Variants in MYO3B observed in about 807,000 individuals in gnomAD.
MYO3B encodes the protein myosin-IIIb.
In MYO3B, 156 loss-of-function variants were observed where a neutral mutation model predicts 174.6. That is an observed-to-expected ratio of 0.89 (90% CI 0.78 to 1.02). MYO3B has a LOEUF of 1.02. MYO3B is among the 50% of genes least tolerant of loss of function. MYO3B has a pLI of 0.00. For synonymous variants in MYO3B, 563 were observed against 569.1 expected, an observed-to-expected ratio of 0.99 and a Z score of 0.15; for missense variants, 1,632 against 1,639.4, an observed-to-expected ratio of 1.00 and a Z score of 0.08.
At chr2:170,495,696 C>T (rs1230358390) in intron 25 of MYO3B, among the ~76,000 whole-genome samples, 1 of 152,180 alleles carries the variant, frequency 6.6e-6, no homozygotes, top group Non-Finnish European at 1.5e-5. Flanking sequence ...TCATCAGATT[C>T]TTTAAATACT....
intron 7 of MYO3B, among the ~76,000 whole-genome samples, chr2:170,317,112 G>A (rs537804494): frequency 1.3e-5 from 2 of 152,286 alleles, no homozygotes; most frequent in South Asian, 2.1e-4. Flanking sequence ...GAATAGCAGG[G>A]AAGTTTCCCT....
intron 24 of MYO3B, 145 bp downstream of exon 24, chr2:170,463,590 G>A (rs1200403462): frequency 2.9e-6 from 2 of 692,654 alleles, no homozygotes; most frequent in Non-Finnish European, 4.9e-6. Flanking sequence ...TGGAAGCAAG[G>A]AAGGAAGAGA....
Position 170,383,053 on chromosome 2 carries a change from A to C in MYO3B, c.1069-20A>C. On this transcript the variant is annotated intron_variant, in intron 10 of 34. Transcript: ENST00000408978. ...GACTGGGAATAATATTTACCTCAAT[A>C]CCATTTATCCTCTTCTTAGGATACA... 6.9e-7 allele frequency: 1 copy of C among 1,454,026 alleles called. No homozygotes were observed. Among genetic ancestry groups the C allele is most frequent in the Non-Finnish European group, 9.7e-7 (1 of 1,035,762 alleles). 90.1% of individuals were successfully genotyped at this position (1,454,026 alleles called of 1,614,324 possible).
intron 3 of MYO3B, among the ~76,000 whole-genome samples, chr2:170,203,764 G>C (rs1192529530): frequency 1.3e-5 from 2 of 152,154 alleles, no homozygotes; most frequent in African/African-American, 2.4e-5. Flanking sequence ...GAAGTGGTTA[G>C]AAAGTACTGC....
intron 30 of MYO3B, among the ~76,000 whole-genome samples, chr2:170,538,623 A>G (rs1689878599): frequency 6.6e-6 from 1 of 152,106 alleles, no homozygotes; most frequent in African/African-American, 2.4e-5. Flanking sequence ...AAGAAGAAGG[A>G]ATTAGATGTG....
At chr2:170,191,338 G>A (rs1406466880) in intron 1 of MYO3B, among the ~76,000 whole-genome samples, 4 of 152,102 alleles carry the variant, frequency 2.6e-5, no homozygotes, top group Non-Finnish European at 4.4e-5. Flanking sequence ...TCTGGCTGAT[G>A]TGTTACTAGG....
At chr2:170,476,977 C>A (rs973179411) in intron 25 of MYO3B, among the ~76,000 whole-genome samples, 1 of 152,128 alleles carries the variant, frequency 6.6e-6, no homozygotes, top group Non-Finnish European at 1.5e-5. Context: ...TTAAATGTTT[C>A]TTTCTTTCTA....
At chr2:170,373,773 A>G (rs1238823109) in intron 9 of MYO3B, among the ~76,000 whole-genome samples, 3 of 151,746 alleles carry the variant, frequency 2.0e-5, no homozygotes, top group Non-Finnish European at 4.4e-5. Context: ...AGATAAAAGT[A>G]CTCAGAAAAC....
chr2:170,507,209 G>A (rs1290668226), intron 28 of MYO3B, among the ~76,000 whole-genome samples: 3 of 152,078 alleles, frequency 2.0e-5, no homozygotes, highest in Non-Finnish European at 4.4e-5. Context: ...GTGCACCTGA[G>A]CTTGAGATGC....
chr2:170,637,313 A>G (rs1001845275), intron 32 of MYO3B, among the ~76,000 whole-genome samples: 1 of 151,738 alleles, frequency 6.6e-6, no homozygotes, highest in Non-Finnish European at 1.5e-5. Flanking sequence ...CTGGGATTAC[A>G]GGCATACGCC....
chr2:170,246,529 G>GACACACAC lies in MYO3B; in HGVS notation c.749+10424_749+10431dup, dbSNP rs58936698. On this transcript the variant is annotated intron_variant, in intron 7 of 34. Transcript: ENST00000408978. Reference sequence around the variant, plus strand: ...ATAAGAAGAGGAAAATTTGGACATGGACACACACACACACACACACACACA... The same window carrying GACACACAC: ...ATAAGAAGAGGAAAATTTGGACATGGACACACACACACACACACACACACACACACACA... Among the ~76,000 whole-genome samples the GACACACAC allele has an allele frequency of 4.8e-3, 673 of 140,260 alleles. 6 individuals are homozygous for GACACACAC. Among genetic ancestry groups the GACACACAC allele is most frequent in the African/African-American group, 5.9e-3 (225 of 37,990 alleles). The allele number at this position is 140,260 out of a possible 152,430, so 92.0% of individuals were successfully genotyped here. A position where few individuals can be genotyped will look rare whatever the true frequency, so the allele number is the denominator to read the frequency against.
chr2:170,449,468 C>T (rs1239333942), intron 23 of MYO3B, among the ~76,000 whole-genome samples: 1 of 152,078 alleles, frequency 6.6e-6, no homozygotes, highest in Non-Finnish European at 1.5e-5. Context: ...GCTAAATGTT[C>T]TAAATAACTC....
chr2:170,178,449 C>A (rs2092358911), intron 1 of MYO3B, among the ~76,000 whole-genome samples, 160 bp downstream of exon 1: 1 of 152,094 alleles, frequency 6.6e-6, no homozygotes, highest in African/African-American at 2.4e-5. Flanking sequence ...ATTCCTGGGT[C>A]CTCTCAGTTA....
At chr2:170,505,059 T>TGAA (rs1687536679) in intron 28 of MYO3B, among the ~76,000 whole-genome samples, 1 of 151,940 alleles carries the variant, frequency 6.6e-6, no homozygotes, top group East Asian at 1.9e-4. Context: ...CCCAAACAGT[T>TGAA]CACCAGCCAG....
intron 30 of MYO3B, among the ~76,000 whole-genome samples, chr2:170,529,575 C>T (rs1202629413): frequency 6.6e-6 from 1 of 152,092 alleles, no homozygotes; most frequent in Non-Finnish European, 1.5e-5. Flanking sequence ...ACCATTTCTC[C>T]ATCCCTCATC....
At chr2:170,612,536 T>G (rs912088967) in intron 32 of MYO3B, among the ~76,000 whole-genome samples, 10 of 152,208 alleles carry the variant, frequency 6.6e-5, no homozygotes, top group Non-Finnish European at 1.5e-4. Context: ...ACATCCCCAG[T>G]GTGTAGAACA....
At chr2:170,414,845 G>A (rs1244420788) in intron 22 of MYO3B, among the ~76,000 whole-genome samples, 1 of 152,132 alleles carries the variant, frequency 6.6e-6, no homozygotes, top group Non-Finnish European at 1.5e-5. Context: ...TAGTATAAAT[G>A]GGTTTTTTAT....
In MYO3B at chr2:170,479,644, TA is replaced by T. The variant is rs376941430; in HGVS notation, c.3014+12934del. The stretch of plus-strand genomic sequence containing the variant: ...TAAATATATAGGTTTTATATATACA[TA>T]TATATAACAGATGTTACATATACAC... On this transcript the variant is annotated intron_variant, in intron 25 of 34. Transcript: ENST00000408978. 3.3e-4 allele frequency among the ~76,000 whole-genome samples: 48 copies of T among 146,552 alleles called. No individual in the cohort carries two copies. In the East Asian group the frequency reaches 8.6e-3, roughly 26 times the overall value.
chr2:170,539,990 C>T (rs1689981007), intron 30 of MYO3B, among the ~76,000 whole-genome samples: 1 of 152,116 alleles, frequency 6.6e-6, no homozygotes, highest in Non-Finnish European at 1.5e-5. Flanking sequence ...ATACCATAGT[C>T]TTATGGTACA....
Sources: allele counts gnomAD v4.1 joint callset (sites outside exome capture counted in the v4.1 genomes callset), GRCh38; gene constraint gnomAD v4.1.1; transcripts MANE v1.5; gene names NCBI Gene and HGNC (gene_info 2026-07-23, HGNC 2026-07-21).